The following SH3GL3 variants were observed in gnomAD, a reference collection of about 807,000 sequenced individuals.
The protein encoded by SH3GL3 is endophilin-A3.
A neutral mutation model predicts 47.7 loss-of-function variants in SH3GL3; 33 were observed. The observed-to-expected ratio is 0.69, with a 90% CI of 0.52 to 0.92. The LOEUF is 0.92. Ranked by LOEUF, SH3GL3 falls within the 40% of genes least tolerant of loss-of-function variation. SH3GL3 has a pLI of 0.00. For synonymous variants in SH3GL3, 155 were observed against 148.8 expected (o/e 1.04, Z -0.30); for missense variants, 363 against 417.8 (o/e 0.87, Z 1.14).
intron 1 of SH3GL3, among the ~76,000 whole-genome samples, chr15:83,547,738 T>A (rs2044473444): frequency 6.6e-6 from 1 of 152,000 alleles, no homozygotes; most frequent in Non-Finnish European, 1.5e-5. Flanking sequence ...GTTATTACCT[T>A]TAGTGTGCAT....
intron 2 of SH3GL3, among the ~76,000 whole-genome samples, chr15:83,562,030 AACACACACACACACACAC>A (rs55856428): frequency 0.1 from 13,304 of 133,078 alleles, 697 homozygotes; most frequent in African/African-American, 0.15. Flanking sequence ...ACACACACAC[AACACACACACACACACAC>A]ACACACACAC....
chr15:83,620,010 C>A (rs990812961), downstream of SH3GL3, among the ~76,000 whole-genome samples: 1 of 149,882 alleles, frequency 6.7e-6, no homozygotes, highest in African/African-American at 2.5e-5. Context: ...ACAGCATCTT[C>A]ACCAAGAGTA....
At chr15:83,553,136 T>A (rs1326719075) in intron 1 of SH3GL3, among the ~76,000 whole-genome samples, 1 of 152,044 alleles carries the variant, frequency 6.6e-6, no homozygotes, top group East Asian at 1.9e-4. Flanking sequence ...CATGATGCTG[T>A]GCACCTGTGG....
intron 1 of SH3GL3, among the ~76,000 whole-genome samples, chr15:83,476,563 G>A (rs1408927643): frequency 6.6e-6 from 1 of 152,068 alleles, no homozygotes; most frequent in Non-Finnish European, 1.5e-5. Context: ...AGCTAAGAAT[G>A]GTTTTTATAA....
At chr15:83,490,858 A>AT (rs757061273) in intron 1 of SH3GL3, 2 of 1,614,084 alleles carry the variant, frequency 1.2e-6, no homozygotes, top group Non-Finnish European at 1.7e-6. Flanking sequence ...TGCTGGGATA[A>AT]TATGCAATCA....
chr15:83,522,804 T>C (rs2043263328), intron 1 of SH3GL3, among the ~76,000 whole-genome samples: 1 of 152,202 alleles, frequency 6.6e-6, no homozygotes, highest in Non-Finnish European at 1.5e-5. Flanking sequence ...TGTGTGACTA[T>C]AGGAAAAAGT....
At chr15:83,598,962 T>C (rs1156860453) in intron 8 of SH3GL3, among the ~76,000 whole-genome samples, 2 of 152,254 alleles carry the variant, frequency 1.3e-5, no homozygotes, top group Non-Finnish European at 2.9e-5. Context: ...TAAAATTGAT[T>C]TTATAAAAAA....
At chr15:83,584,157 A>G (rs1239954902) in intron 6 of SH3GL3, among the ~76,000 whole-genome samples, 2 of 152,146 alleles carry the variant, frequency 1.3e-5, no homozygotes, top group Non-Finnish European at 2.9e-5. Context: ...TCCAGCTTCT[A>G]CAGGCCACCT....
intron 1 of SH3GL3, among the ~76,000 whole-genome samples, chr15:83,544,006 T>C (rs900268297): frequency 6.6e-6 from 1 of 152,024 alleles, no homozygotes; most frequent in African/African-American, 2.4e-5. Context: ...TCTTTTTCAA[T>C]TTTATTTATT....
chr15:83,588,913 C>T (rs2151808132), intron 8 of SH3GL3, 142 bp downstream of exon 8: 1 of 604,382 alleles, frequency 1.7e-6, no homozygotes, highest in Non-Finnish European at 3.0e-6. Flanking sequence ...TCCCTTTTCC[C>T]CTAAACGTGC....
intron 1 of SH3GL3, among the ~76,000 whole-genome samples, chr15:83,491,500 C>T (rs903176021): frequency 6.6e-6 from 1 of 152,204 alleles, no homozygotes; most frequent in East Asian, 1.9e-4. Context: ...AGGATCTGAA[C>T]ACCTCTCTGC....
At chr15:83,601,830 C>CT (rs796770350) in intron 8 of SH3GL3, among the ~76,000 whole-genome samples, 8,173 of 127,716 alleles carry the variant, frequency 0.064, 714 homozygotes, top group African/African-American at 0.22. Flanking sequence ...TGGTCCTGGA[C>CT]TTTTTTTTTT....
the SH3GL3 span, among the ~76,000 whole-genome samples, chr15:83,631,015 G>A: frequency 6.6e-6 from 1 of 152,168 alleles, no homozygotes; most frequent in Non-Finnish European, 1.5e-5. Flanking sequence ...TAACTAACGG[G>A]TATAGGCATT....
Position 83,541,310 on chromosome 15 carries a change from C to CAATTTT in SH3GL3, c.46-17943_46-17942insAATTTT, listed in dbSNP as rs1567318555. ...GGGATGGCTGGATCATATGGTAATT[C>CAATTTT]TATTTTTTTTTTTTTTTTTTTTTTT... On this transcript the variant is annotated intron_variant, in intron 1 of 8. Coordinates refer to ENST00000427482, the MANE Select transcript of SH3GL3 (RefSeq NM_003027.5). Among the ~76,000 whole-genome samples, 6 of 47,806 alleles carry CAATTTT rather than the reference C, an allele frequency of 1.3e-4. 1 individual carries two copies. Among genetic ancestry groups the CAATTTT allele is most frequent in the African/African-American group, 3.9e-4 (6 of 15,330 alleles). The allele number at this position is 47,806 out of a possible 152,430, so 31.4% of individuals were successfully genotyped here.
chr15:83,589,949 G>A (rs924235365), intron 8 of SH3GL3, among the ~76,000 whole-genome samples: 2 of 152,140 alleles, frequency 1.3e-5, no homozygotes, highest in African/African-American at 4.8e-5. Flanking sequence ...ACCCATGCCA[G>A]TAGACTTCCA....
chr15:83,536,312 G>A (rs1386879043), intron 1 of SH3GL3, among the ~76,000 whole-genome samples: 1 of 152,138 alleles, frequency 6.6e-6, no homozygotes, highest in Non-Finnish European at 1.5e-5. Flanking sequence ...CCAAGACTGG[G>A]TGGGGCCAAA....
rs531584320 is a variant in SH3GL3 at position 83,540,699 on chromosome 15, C to A, written c.46-18554C>A. ...TATCAGATATTTTTATACAGGCATA[C>A]AATAAGTAAGGATTATTACAATGTG... On this transcript the variant is annotated intron_variant, in intron 1 of 8. Coordinates refer to ENST00000427482, the MANE Select transcript of SH3GL3 (RefSeq NM_003027.5). Among the ~76,000 whole-genome samples the A allele has an allele frequency of 2.0e-5, 3 of 152,116 alleles. No individual in the cohort carries two copies. In the South Asian group the frequency reaches 6.2e-4, roughly 32 times the overall value.
At chr15:83,458,492 G>A (rs563509467) in intron 1 of SH3GL3, among the ~76,000 whole-genome samples, 1 of 152,178 alleles carries the variant, frequency 6.6e-6, no homozygotes, top group Non-Finnish European at 1.5e-5. Flanking sequence ...TACTTTGCCT[G>A]TTCAAATCAT....
At chr15:83,632,289 C>A in the SH3GL3 span, among the ~76,000 whole-genome samples, 222 of 152,058 alleles carry the variant, frequency 1.5e-3, 2 homozygotes, top group African/African-American at 5.1e-3. Flanking sequence ...GCCTGTTACC[C>A]AGTTCCAAAA....
Sources: gnomAD v4.1 joint callset for allele counts (sites outside exome capture counted in the v4.1 genomes callset) on GRCh38, gnomAD v4.1.1 for gene constraint, MANE v1.5 for transcripts, NCBI Gene and HGNC (gene_info 2026-07-23, HGNC 2026-07-21) for gene names.